The following NCALD variants were observed in gnomAD, a reference collection of about 807,000 sequenced individuals.
The protein encoded by NCALD is neurocalcin delta, also known as neurocalcin-delta.
NCALD carries 10 observed loss-of-function variants against 18.6 expected under a neutral mutation model. That is an observed-to-expected ratio of 0.54 (90% CI 0.33 to 0.91). The LOEUF (loss-of-function observed/expected upper bound fraction) is 0.91, where lower values mean the gene tolerates loss of function less well. NCALD is among the 40% of genes least tolerant of loss of function. NCALD has a pLI of 0.03. For missense variants in NCALD, 184 were observed against 247.6 expected (o/e 0.74, Z 1.72); for synonymous variants, 88 against 87.4 (o/e 1.01, Z -0.04).
upstream of NCALD, among the ~76,000 whole-genome samples, chr8:101,794,673 A>T (rs1812572949): frequency 2.0e-5 from 3 of 152,174 alleles, no homozygotes; most frequent in South Asian, 6.2e-4. Flanking sequence ...CATTTATTAA[A>T]TCATTTACTA....
chr8:102,019,692 A>T (rs1349888809), intron 2 of NCALD, among the ~76,000 whole-genome samples: 2 of 152,162 alleles, frequency 1.3e-5, no homozygotes, highest in Non-Finnish European at 2.9e-5. Flanking sequence ...TAGCAAATTA[A>T]ATCTAGCTAA....
chr8:101,849,927 G>A (rs1294378721), intron 4 of NCALD, among the ~76,000 whole-genome samples: 2 of 152,210 alleles, frequency 1.3e-5, no homozygotes, highest in Non-Finnish European at 2.9e-5. Flanking sequence ...AATTCAGGAA[G>A]TTCTTCTACA....
At chr8:101,821,267 A>C (rs963183554) in intron 4 of NCALD, among the ~76,000 whole-genome samples, 1 of 152,238 alleles carries the variant, frequency 6.6e-6, no homozygotes, top group African/African-American at 2.4e-5. Flanking sequence ...AATATATGTT[A>C]ACTGCAGTAA....
chr8:101,969,410 C>T (rs1378828813), intron 2 of NCALD, among the ~76,000 whole-genome samples: 1 of 152,216 alleles, frequency 6.6e-6, no homozygotes, highest in Non-Finnish European at 1.5e-5. Flanking sequence ...TTACCCCACA[C>T]TTCGTAATGA....
At chr8:101,900,625 A>C (rs1249966356) in intron 3 of NCALD, among the ~76,000 whole-genome samples, 2 of 151,750 alleles carry the variant, frequency 1.3e-5, no homozygotes, top group Non-Finnish European at 3.0e-5. Flanking sequence ...ATTCTATTTG[A>C]AAGTTTGTTG....
intron 4 of NCALD, among the ~76,000 whole-genome samples, chr8:101,870,954 C>T (rs1024799478): frequency 2.3e-5 from 3 of 129,618 alleles, no homozygotes; most frequent in Admixed American, 1.0e-4. Flanking sequence ...AACATCTGGT[C>T]GAAATTGACC....
chr8:101,840,188 A>G lies in NCALD; in HGVS notation c.-20+46953T>C, dbSNP rs190393998. Among the ~76,000 whole-genome samples the G allele has an allele frequency of 1.6e-4, 24 of 152,276 alleles. No homozygotes were observed. In the East Asian group the frequency reaches 4.6e-3, roughly 29 times the overall value. ...ATTCCTGTGAGGATCCTAGGTCTAT[A>G]ATAAGCCAGAGATTGAATTAAAGAT... On this transcript the variant is annotated intron_variant, in intron 4 of 6. Transcript: ENST00000311028.
chr8:102,029,831 C>T (rs1822604917), intron 1 of NCALD, among the ~76,000 whole-genome samples: 1 of 152,188 alleles, frequency 6.6e-6, no homozygotes, highest in Non-Finnish European at 1.5e-5. Flanking sequence ...CCTTCTACTG[C>T]TCTCAAAGAA....
chr8:101,841,440 G>A (rs1485738301), intron 4 of NCALD, among the ~76,000 whole-genome samples: 2 of 152,134 alleles, frequency 1.3e-5, no homozygotes, highest in Non-Finnish European at 2.9e-5. Flanking sequence ...TTGTTGTAGG[G>A]GACTTTCCTG....
Position 102,120,333 on chromosome 8 carries a change from C to A in NCALD, c.-210+3904G>T, listed in dbSNP as rs1825909299. ...ATGAAACATGTGACATGTGATGAAG[C>A]CCAAGCCTAGTAACATGTGGCACCC... is the stretch of plus-strand genomic sequence containing the variant. On this transcript the variant is annotated intron_variant, in intron 1 of 6. Coordinates refer to the NCALD transcript ENST00000311028. Among the ~76,000 whole-genome samples the A allele has an allele frequency of 2.0e-5, 3 of 152,134 alleles. No individual in the cohort carries two copies. In the South Asian group the frequency reaches 6.2e-4, roughly 32 times the overall value.
At chr8:101,951,892 C>G (rs1019363639) in intron 2 of NCALD, among the ~76,000 whole-genome samples, 1 of 152,136 alleles carries the variant, frequency 6.6e-6, no homozygotes, top group Admixed American at 6.5e-5. Context: ...ATGCTGAGCC[C>G]CTGGTCCTCT....
intron 2 of NCALD, among the ~76,000 whole-genome samples, chr8:101,705,215 C>T (rs1365280433): frequency 1.4e-5 from 2 of 144,514 alleles, no homozygotes; most frequent in African/African-American, 2.8e-5. Flanking sequence ...CAGAGCAAGA[C>T]TTCATCTCAA....
intron 1 of NCALD, among the ~76,000 whole-genome samples, chr8:101,770,950 A>C (rs968444786): frequency 6.6e-6 from 1 of 152,224 alleles, no homozygotes; most frequent in African/African-American, 2.4e-5. Flanking sequence ...ATAAGGTTTA[A>C]ATTTAATGCT....
At chr8:101,802,689 C>T (rs1264458082) in intron 4 of NCALD, among the ~76,000 whole-genome samples, 1 of 151,936 alleles carries the variant, frequency 6.6e-6, no homozygotes, top group African/African-American at 2.4e-5. Context: ...GTTCTTAAGC[C>T]AGTCCCTAAC....
intron 4 of NCALD, chr8:101,872,087 T>C (rs780705448): frequency 7.1e-6 from 11 of 1,539,694 alleles, no homozygotes; most frequent in African/African-American, 1.4e-5. Context: ...TAATTGGGTA[T>C]GCAGGTGGTT....
intron 1 of NCALD, among the ~76,000 whole-genome samples, chr8:101,765,610 C>A (rs942139017): frequency 2.0e-5 from 3 of 152,092 alleles, no homozygotes; most frequent in African/African-American, 7.2e-5. Flanking sequence ...TATGGGGACT[C>A]CTGGGCTGAA....
rs572219591 is a variant in NCALD, at chr8:101,935,175, A to G, written c.-156-19317T>C. On this transcript the variant is annotated intron_variant, in intron 2 of 6. Transcript: ENST00000311028. ...AATAAGAGAAAATGTGAAAATTACA[A>G]GGCAAAAAAAAAATATAGGTGAGAA... Among the ~76,000 whole-genome samples the G allele has an allele frequency of 6.0e-3, 905 of 151,832 alleles. 2 individuals carry two copies. The highest frequency in any genetic ancestry group is 0.024 in the Middle Eastern group (7 of 294).
intron 1 of NCALD, among the ~76,000 whole-genome samples, chr8:102,071,645 A>T (rs1194557117): frequency 6.6e-6 from 1 of 152,268 alleles, no homozygotes; most frequent in East Asian, 1.9e-4. Context: ...ATGTGAAGTA[A>T]GGAGAGAAAC....
At chr8:102,119,107 C>CAT (rs1825872804) in intron 1 of NCALD, among the ~76,000 whole-genome samples, 1 of 152,154 alleles carries the variant, frequency 6.6e-6, no homozygotes, top group Non-Finnish European at 1.5e-5. Flanking sequence ...GGGAGTTGAA[C>CAT]ATATCACTGT....
Sources: allele counts gnomAD v4.1 joint callset (sites outside exome capture counted in the v4.1 genomes callset), GRCh38; gene constraint gnomAD v4.1.1; transcripts MANE v1.5; gene names NCBI Gene and HGNC (gene_info 2026-07-23, HGNC 2026-07-21).